The following ANKS1B variants were observed in gnomAD, a reference collection of about 807,000 sequenced individuals.
ANKS1B encodes ankyrin repeat and sterile alpha motif domain-containing protein 1B.
A neutral mutation model predicts 148.3 loss-of-function variants in ANKS1B; 36 were observed. The observed-to-expected ratio is 0.24, with a 90% CI of 0.19 to 0.32. ANKS1B has a LOEUF of 0.32. ANKS1B is among the 10% of genes least tolerant of loss of function. The pLI is 1.00. For synonymous variants in ANKS1B, 542 were observed against 560.8 expected, an observed-to-expected ratio of 0.97 and a Z score of 0.47; for missense variants, 1,157 against 1,542.6, an observed-to-expected ratio of 0.75 and a Z score of 4.19.
intron 8 of ANKS1B, among the ~76,000 whole-genome samples, chr12:99,677,168 G>A (rs994270059): frequency 8.6e-5 from 13 of 152,030 alleles, no homozygotes; most frequent in Admixed American, 2.6e-4. Flanking sequence ...ACACTTTTGC[G>A]CTCCTACATC....
At chr12:99,090,634 C>T (rs1289904295) in intron 15 of ANKS1B, among the ~76,000 whole-genome samples, 1 of 152,050 alleles carries the variant, frequency 6.6e-6, no homozygotes, top group Non-Finnish European at 1.5e-5. Flanking sequence ...AATATTTAGC[C>T]TTTTATAACA....
chr12:99,674,817 A>T (rs2098554764), intron 8 of ANKS1B, among the ~76,000 whole-genome samples: 3 of 151,874 alleles, frequency 2.0e-5, no homozygotes, highest in Non-Finnish European at 3.0e-5. Flanking sequence ...GAACATTAAT[A>T]CTAAAATTCT....
chr12:99,367,116 A>C (rs1201551186), intron 12 of ANKS1B, among the ~76,000 whole-genome samples: 1 of 152,134 alleles, frequency 6.6e-6, no homozygotes, highest in African/African-American at 2.4e-5. Flanking sequence ...ACTTCCAGAC[A>C]TTGCCAAAAA....
intron 16 of ANKS1B, among the ~76,000 whole-genome samples, chr12:99,059,221 C>T (rs574331700): frequency 6.6e-6 from 1 of 152,292 alleles, no homozygotes; most frequent in East Asian, 1.9e-4. Context: ...TATCTGTCTT[C>T]TTCATTGGAC....
At chr12:99,583,357 A>ACATTTCTTAAAAG (rs2097589413) in intron 9 of ANKS1B, among the ~76,000 whole-genome samples, 2 of 152,216 alleles carry the variant, frequency 1.3e-5, no homozygotes, top group Non-Finnish European at 1.5e-5. Flanking sequence ...GGTCTTCAGG[A>ACATTTCTTAAAAG]TAGAATGGGG....
At chr12:99,633,818 C>T (rs1344922890) in intron 9 of ANKS1B, among the ~76,000 whole-genome samples, 7 of 152,116 alleles carry the variant, frequency 4.6e-5, no homozygotes, top group Admixed American at 1.3e-4. Flanking sequence ...AACAAGTGGG[C>T]GAAGGATATG....
chr12:98,873,022 A>G (rs1282114499), intron 17 of ANKS1B, among the ~76,000 whole-genome samples: 1 of 152,180 alleles, frequency 6.6e-6, no homozygotes, highest in East Asian at 1.9e-4. Flanking sequence ...ATCTTGTAAG[A>G]CTATACTTTC....
intron 12 of ANKS1B, among the ~76,000 whole-genome samples, chr12:99,301,503 T>C (rs936269806): frequency 6.6e-6 from 1 of 152,178 alleles, no homozygotes; most frequent in Non-Finnish European, 1.5e-5. Flanking sequence ...TTTTAGAATA[T>C]AGAAATGGAG....
At chr12:99,742,088 C>A (rs1015738924) in intron 8 of ANKS1B, among the ~76,000 whole-genome samples, 5 of 151,668 alleles carry the variant, frequency 3.3e-5, no homozygotes, top group African/African-American at 1.2e-4. Flanking sequence ...ACAATACACA[C>A]TGGAGCCTAT....
At chr12:98,948,726 TTCTCTCTCTCTCTC>T (rs144897567) in intron 17 of ANKS1B, among the ~76,000 whole-genome samples, 105 of 144,928 alleles carry the variant, frequency 7.2e-4, no homozygotes, top group Non-Finnish European at 1.0e-3. Flanking sequence ...TTATGCCAAT[TTCTCTCTCTCTCTC>T]TCTCTCTCTG....
intron 17 of ANKS1B, among the ~76,000 whole-genome samples, chr12:98,872,416 G>A (rs2099673425): frequency 6.6e-6 from 1 of 152,066 alleles, no homozygotes; most frequent in South Asian, 2.1e-4. Context: ...GCGTGTGCCT[G>A]TAATCTCAGC....
chr12:99,179,611 G>C (rs1006842774), intron 14 of ANKS1B, among the ~76,000 whole-genome samples: 1 of 152,038 alleles, frequency 6.6e-6, no homozygotes, highest in Non-Finnish European at 1.5e-5. Flanking sequence ...CCATGTAACA[G>C]CTGGCTTAGT....
chr12:99,822,799 A>G (rs1189648081), intron 2 of ANKS1B, among the ~76,000 whole-genome samples: 2 of 152,182 alleles, frequency 1.3e-5, no homozygotes, highest in Non-Finnish European at 2.9e-5. Context: ...TTTTGGATTT[A>G]TACCCTGTAA....
At chr12:99,876,488 C>T (rs752963194) in intron 1 of ANKS1B, among the ~76,000 whole-genome samples, 2 of 151,946 alleles carry the variant, frequency 1.3e-5, no homozygotes, top group Non-Finnish European at 2.9e-5. Flanking sequence ...TTTGGGAGGC[C>T]GAGGCAGGCG....
At chr12:99,094,365 A>G (rs1431956218) in intron 15 of ANKS1B, among the ~76,000 whole-genome samples, 2 of 152,236 alleles carry the variant, frequency 1.3e-5, no homozygotes, top group Admixed American at 1.3e-4. Context: ...AGTATATACA[A>G]TTATTATCCT....
chr12:98,835,613 C>T (rs1229092952), intron 17 of ANKS1B, among the ~76,000 whole-genome samples: 1 of 152,154 alleles, frequency 6.6e-6, no homozygotes, highest in African/African-American at 2.4e-5. Flanking sequence ...TGCTCTTCTG[C>T]CATCCACATC....
At chr12:99,123,111 T>C (rs1243979987) in intron 15 of ANKS1B, among the ~76,000 whole-genome samples, 1 of 151,734 alleles carries the variant, frequency 6.6e-6, no homozygotes, top group Non-Finnish European at 1.5e-5. Context: ...TAGTGATGTC[T>C]ATAGTCTGGT....
chr12:98,855,097 T>C (rs914046867), intron 17 of ANKS1B, among the ~76,000 whole-genome samples: 3 of 149,422 alleles, frequency 2.0e-5, no homozygotes, highest in African/African-American at 7.5e-5. Flanking sequence ...AAGCGGAGCT[T>C]GCAGTGAGCT....
At chr12:98,811,036 G>A (rs1483940633) in intron 19 of ANKS1B, among the ~76,000 whole-genome samples, 2 of 148,036 alleles carry the variant, frequency 1.4e-5, no homozygotes, top group African/African-American at 2.5e-5. Flanking sequence ...GGAAAAGGAC[G>A]AGGTCCCTTT....
Sources: allele counts gnomAD v4.1 joint callset (sites outside exome capture counted in the v4.1 genomes callset), GRCh38; gene constraint gnomAD v4.1.1; transcripts MANE v1.5; gene names NCBI Gene and HGNC (gene_info 2026-07-23, HGNC 2026-07-21).